Variants in TMEM201 observed in about 807,000 individuals in gnomAD.
TMEM201 encodes the protein transmembrane protein 201, also known as RP13-15M17.2.
In TMEM201, 26 loss-of-function variants were observed where a neutral mutation model predicts 63.4. The ratio of observed to expected loss-of-function variants is 0.41; its 90% CI spans 0.30 to 0.57. The LOEUF (loss-of-function observed/expected upper bound fraction) is 0.57, where lower values mean the gene tolerates loss of function less well. Among genes scored for constraint, TMEM201 ranks in the 20% least tolerant of loss-of-function variants. The probability of loss-of-function intolerance (pLI) is 0.29; values close to 1 mark genes in which losing one functional copy is unlikely to be tolerated. For synonymous variants in TMEM201, 417 were observed against 421.6 expected, an observed-to-expected ratio of 0.99 and a Z score of 0.14; for missense variants, 794 against 917.7, an observed-to-expected ratio of 0.87 and a Z score of 1.74.
intron 1 of TMEM201, among the ~76,000 whole-genome samples, chr1:9,593,234 G>A (rs376642207): frequency 6.6e-6 from 1 of 152,232 alleles, no homozygotes; most frequent in African/African-American, 2.4e-5. Flanking sequence ...TGGGGACCTC[G>A]TCCGAGCTGT....
At chr1:9,597,192 G>A in intron 3 of TMEM201, 139 bp downstream of exon 3, 2 of 1,014,784 alleles carry the variant, frequency 2.0e-6, no homozygotes, top group Non-Finnish European at 2.7e-6. Flanking sequence ...TGTTCTGAGT[G>A]CCCAAAGGGG....
intron 10 of TMEM201, among the ~76,000 whole-genome samples, chr1:9,612,455 G>A (rs1055302796): frequency 1.3e-5 from 2 of 152,232 alleles, no homozygotes; most frequent in African/African-American, 4.8e-5. Flanking sequence ...GAGGGGGTGT[G>A]TGTTGAGGGA....
intron 1 of TMEM201, among the ~76,000 whole-genome samples, chr1:9,594,303 T>C (rs935718040): frequency 2.0e-5 from 3 of 152,172 alleles, no homozygotes; most frequent in Non-Finnish European, 2.9e-5. Context: ...GCGGTCCTTG[T>C]CCTCTGTGAG....
chr1:9,610,886 T>C lies in TMEM201; in HGVS notation c.1765+81T>C. The C allele has an allele frequency of 6.7e-7, 1 of 1,486,892 alleles. No individual in the cohort carries two copies. Among genetic ancestry groups the C allele is most frequent in the South Asian group, 1.3e-5 (1 of 77,344 alleles). 92.1% of individuals were successfully genotyped at this position (1,486,892 alleles called of 1,614,324 possible). A position where few individuals can be genotyped will look rare whatever the true frequency, so the allele number is the denominator to read the frequency against. On this transcript the variant is annotated intron_variant, in intron 9 of 10. Transcript: ENST00000340381. This position sits in a 1 kb window ranked among gnomAD's most constrained non-coding sequence, Gnocchi z 4.9. Reference sequence around the variant, plus strand: ...CCTGGCTGTGCGGCGGTGGGGGGGCTCATCCTTGCTCTGACTCCGGTGTGC... The same window carrying C: ...CCTGGCTGTGCGGCGGTGGGGGGGCCCATCCTTGCTCTGACTCCGGTGTGC...
Position 9,610,007 on chromosome 1 carries a change from C to T in TMEM201, c.1465+96C>T. On this transcript the variant is annotated intron_variant, in intron 8 of 10. Coordinates refer to ENST00000340381, the MANE Select transcript of TMEM201 (RefSeq NM_001130924.3). The surrounding 1 kb of genome is among the most constrained non-coding windows in gnomAD (Gnocchi z 4.9). ...TGTGTGAGCTTTGGGGTCAGACAGA[C>T]CCCAAGTGTGTGTTCACATCTCAGC... The T allele has an allele frequency of 8.3e-7, 1 of 1,197,666 alleles. No individual in the cohort carries two copies. Among genetic ancestry groups the T allele is most frequent in the African/African-American group, 1.5e-5 (1 of 66,194 alleles). 74.2% of individuals were successfully genotyped at this position (1,197,666 alleles called of 1,614,324 possible).
chr1:9,610,880 G>C lies in TMEM201; in HGVS notation c.1765+75G>C. Reference sequence around the variant, plus strand: ...AAGAGGCCTGGCTGTGCGGCGGTGGGGGGGCTCATCCTTGCTCTGACTCCG... The same window carrying C: ...AAGAGGCCTGGCTGTGCGGCGGTGGCGGGGCTCATCCTTGCTCTGACTCCG... On this transcript the variant is annotated intron_variant, in intron 9 of 10. Coordinates refer to ENST00000340381, the MANE Select transcript of TMEM201 (RefSeq NM_001130924.3). This position sits in a 1 kb window ranked among gnomAD's most constrained non-coding sequence, Gnocchi z 4.9. The C allele has an allele frequency of 8.7e-6, 13 of 1,491,656 alleles. No individual in the cohort carries two copies. The highest frequency in any genetic ancestry group is 1.3e-5 in the South Asian group (1 of 77,320). The allele number at this position is 1,491,656 out of a possible 1,614,324, so 92.4% of individuals were successfully genotyped here. A position where few individuals can be genotyped will look rare whatever the true frequency, so the allele number is the denominator to read the frequency against.
chr1:9,603,709 G>T lies in TMEM201; in HGVS notation c.1160+1437G>T, dbSNP rs1009533832. 1.0e-6 allele frequency: 1 copy of T among 985,446 alleles called. No homozygotes were observed. The highest frequency in any genetic ancestry group is 1.7e-5 in the African/African-American group (1 of 57,366). The allele number at this position is 985,446 out of a possible 1,614,324, so 61.0% of individuals were successfully genotyped here. On this transcript the variant is annotated intron_variant, in intron 6 of 10. Coordinates refer to ENST00000340381, the MANE Select transcript of TMEM201 (RefSeq NM_001130924.3). This position sits in a 1 kb window ranked among gnomAD's most constrained non-coding sequence, Gnocchi z 4.5. Reference sequence around the variant, plus strand: ...CTGCTGTGAATCTGCCACGCCTGGGGGTCCTAGAGGCTGCCCCACCCCAGT... The same window carrying T: ...CTGCTGTGAATCTGCCACGCCTGGGTGTCCTAGAGGCTGCCCCACCCCAGT...
Position 9,613,236 on chromosome 1 carries a change from C to T in TMEM201, c.*153C>T. 1 of 670,300 alleles carries T rather than the reference C, an allele frequency of 1.5e-6. No homozygotes were observed. The highest frequency in any genetic ancestry group is 1.8e-5 in the South Asian group (1 of 54,942). 41.5% of individuals were successfully genotyped at this position (670,300 alleles called of 1,614,324 possible). A position where few individuals can be genotyped will look rare whatever the true frequency, so the allele number is the denominator to read the frequency against. On this transcript the variant is annotated 3_prime_UTR_variant, in exon 11 of 11. Transcript: ENST00000340381. ...TGTGACTGTCCTCAGGACACCTGCC[C>T]CTCCTCACCTAACGGACTGCAGGGC...
chr1:9,612,872 G>A (rs1428377534), intron 10 of TMEM201, 114 bp from the exon 11 acceptor site: 11 of 873,474 alleles, frequency 1.3e-5, no homozygotes, highest in Non-Finnish European at 2.0e-5. Context: ...GTCTCAGAGA[G>A]TACCCTGGGC....
intron 9 of TMEM201, chr1:9,611,218 G>A (rs1644319908): frequency 4.4e-6 from 2 of 457,574 alleles, no homozygotes; most frequent in Admixed American, 3.8e-5. Flanking sequence ...TTTTTTTCGA[G>A]ATGCAGTCTC....
rs1307332642 is a variant in TMEM201 at position 9,602,180 on chromosome 1, G to A, written c.1068G>A (p.Lys356=). 1 of 1,613,236 alleles carries A rather than the reference G, an allele frequency of 6.2e-7. No homozygotes were observed. The highest frequency in any genetic ancestry group is 8.5e-7 in the Non-Finnish European group (1 of 1,180,014). ...CGCCTAGCTGGCTAGACACGCTCAAGTTCAGCACCACATCTTTGTGCTGCC... is the reference window on the plus strand; with the variant it reads ...CGCCTAGCTGGCTAGACACGCTCAAATTCAGCACCACATCTTTGTGCTGCC... ...AASPSWLDTL[K]FSTTSLCCLV... The change falls in exon 6 of 11, where the codon AAG becomes AAA. Residue 356 remains lysine (K), a synonymous_variant. Transcript: ENST00000340381.
Position 9,613,248 on chromosome 1 carries a change from A to C in TMEM201, c.*165A>C. ...CAGGACACCTGCCCCTCCTCACCTAACGGACTGCAGGGCTGAGCATGTGTC... is the reference window on the plus strand; with the variant it reads ...CAGGACACCTGCCCCTCCTCACCTACCGGACTGCAGGGCTGAGCATGTGTC... On this transcript the variant is annotated 3_prime_UTR_variant, in exon 11 of 11. Transcript: ENST00000340381. 1 of 634,934 alleles carries C rather than the reference A, an allele frequency of 1.6e-6. No individual in the cohort carries two copies. The highest frequency in any genetic ancestry group is 2.8e-6 in the Non-Finnish European group (1 of 361,606). The allele number at this position is 634,934 out of a possible 1,614,324, so 39.3% of individuals were successfully genotyped here.
In TMEM201 at chr1:9,593,803, T is replaced by A. The variant is rs145739840; in HGVS notation, c.114-2087T>A. Among the ~76,000 whole-genome samples the A allele has an allele frequency of 5.2e-3, 798 of 152,264 alleles. 22 individuals carry two copies. Among genetic ancestry groups the A allele is most frequent in the Admixed American group, 0.034 (513 of 15,302 alleles). On this transcript the variant is annotated intron_variant, in intron 1 of 10. Coordinates refer to ENST00000340381, the MANE Select transcript of TMEM201 (RefSeq NM_001130924.3). ...TAGGAAGCCTGTCACCCAAAGTCAGTTGGGTGCAGAGCCTTGTCCGGCTCA... is the reference window on the plus strand; with the variant it reads ...TAGGAAGCCTGTCACCCAAAGTCAGATGGGTGCAGAGCCTTGTCCGGCTCA...
Position 9,607,529 on chromosome 1 carries a change from T to C in TMEM201, c.1161-28T>C. The stretch of plus-strand genomic sequence containing the variant: ...CCAGGACCTCCCGCTGACCCTCTTC[T>C]TGTCCCGTGCCTGACGGGCCCTTGC... On this transcript the variant is annotated intron_variant, in intron 6 of 10. Coordinates refer to ENST00000340381, the MANE Select transcript of TMEM201 (RefSeq NM_001130924.3). The surrounding 1 kb of genome is among the most constrained non-coding windows in gnomAD (Gnocchi z 5.4). The C allele has an allele frequency of 6.6e-7, 1 of 1,522,740 alleles. No homozygotes were observed. Among genetic ancestry groups the C allele is most frequent in the Non-Finnish European group, 8.9e-7 (1 of 1,129,512 alleles). The allele number at this position is 1,522,740 out of a possible 1,614,324, so 94.3% of individuals were successfully genotyped here.
Position 9,610,798 on chromosome 1 carries a change from C to T in TMEM201, c.1758C>T (p.His586=), listed in dbSNP as rs1035885323. 1.6e-5 allele frequency: 25 copies of T among 1,540,374 alleles called. No individual in the cohort carries two copies. Among genetic ancestry groups the T allele is most frequent in the East Asian group, 2.5e-5 (1 of 40,722 alleles). ...AGCCGCCCCTGCAGGACGTGAAGCA[C>T]GCCCTGGGTACGGCCTTCTGACCAC... The part of the protein sequence containing the change: ...PRKPPLQDVK[H]ALDLRSKLER... The change falls in exon 9 of 11, where the codon CAC becomes CAT. Residue 586 remains histidine (H), a synonymous_variant. Transcript: ENST00000340381. This position sits in a 1 kb window ranked among gnomAD's most constrained non-coding sequence, Gnocchi z 4.9.
At position 9,598,461 on chromosome 1, in the gene TMEM201, G is replaced by A. The variant is rs139410294; in HGVS notation, c.442G>A (p.Glu148Lys). ...CCCAACCCCACAGGGCAGGTATGAC[G>A]AGGAGGTCGAGGTGTACCGGCATCA... ...FAPREEGRYDEEVEVYRHHLE... is the reference protein window; with the variant it reads ...FAPREEGRYDKEVEVYRHHLE... The change falls in exon 4 of 11, where the codon GAG (glutamate) becomes AAG (lysine). Residue 148 changes from glutamate (E) to lysine (K), a missense_variant. By Grantham distance (56) the Glu-to-Lys change is moderately conservative. Coordinates refer to ENST00000340381, the MANE Select transcript of TMEM201 (RefSeq NM_001130924.3). The A allele has an allele frequency of 2.5e-5, 41 of 1,613,068 alleles. No individual in the cohort carries two copies. In the African/African-American group the frequency reaches 4.3e-4, roughly 17 times the overall value.
chr1:9,610,192 G>T lies in TMEM201; in HGVS notation c.1465+281G>T, dbSNP rs1395177393. 6.6e-6 allele frequency among the ~76,000 whole-genome samples: 1 copy of T among 152,188 alleles called. No homozygotes were observed. The highest frequency in any genetic ancestry group is 2.4e-5 in the African/African-American group (1 of 41,444). ...GTGCCAGCTGGCAGCAAGGCCTCGG[G>T]TGAGCTGGCCTTGTACCTCCAGGGT... On this transcript the variant is annotated intron_variant, in intron 8 of 10. Coordinates refer to ENST00000340381, the MANE Select transcript of TMEM201 (RefSeq NM_001130924.3). This position sits in a 1 kb window ranked among gnomAD's most constrained non-coding sequence, Gnocchi z 4.9.
rs540507732 is a variant in TMEM201 at position 9,610,834 on chromosome 1, C to T, written c.1765+29C>T. On this transcript the variant is annotated intron_variant, in intron 9 of 10. Transcript: ENST00000340381. The surrounding 1 kb of genome is among the most constrained non-coding windows in gnomAD (Gnocchi z 4.9). ...CGGCCTTCTGACCACCCCAAGGGGC[C>T]GTGGGAGGGCCTCTGCTGCCAAGAG... is the stretch of plus-strand genomic sequence containing the variant. 1.2e-4 allele frequency: 176 copies of T among 1,510,904 alleles called. 1 individual carries two copies. In the Admixed American group the frequency reaches 3.3e-3, roughly 28 times the overall value. 93.6% of individuals were successfully genotyped at this position (1,510,904 alleles called of 1,614,324 possible).
At chr1:9,602,021 C>G in intron 5 of TMEM201, 48 bp from the exon 6 acceptor site, 1 of 1,585,474 alleles carries the variant, frequency 6.3e-7, no homozygotes, top group Non-Finnish European at 8.6e-7. Context: ...GGCGTGGACC[C>G]AGGAGGTCTT....
Sources: gnomAD v4.1 joint callset for allele counts (sites outside exome capture counted in the v4.1 genomes callset) on GRCh38, gnomAD v4.1.1 for gene constraint, Gnocchi (gnomAD v3.1) non-coding constraint, MANE v1.5 for transcripts, NCBI Gene and HGNC (gene_info 2026-07-23, HGNC 2026-07-21) for gene names.